The following GPRC5A variants were observed in gnomAD, a reference collection of about 807,000 sequenced individuals.
GPRC5A encodes the protein G protein-coupled receptor class C group 5 member A.
GPRC5A carries 19 observed loss-of-function variants against 22.5 expected under a neutral mutation model. That is an observed-to-expected ratio of 0.85 (90% CI 0.59 to 1.24). GPRC5A has a LOEUF of 1.24. Among genes scored for constraint, GPRC5A ranks in the 50% most tolerant of loss-of-function variants. GPRC5A has a pLI of 0.00. For synonymous variants in GPRC5A, 192 were observed against 184.5 expected (o/e 1.04, Z -0.33); for missense variants, 471 against 451.1 (o/e 1.04, Z -0.40).
intron 2 of GPRC5A, chr12:12,909,873 A>C (rs1863984361): frequency 7.1e-6 from 1 of 140,066 alleles, no homozygotes. Context: ...CTGAGGTGGG[A>C]GGATTGCTTG....
At chr12:12,907,437 C>T (rs994098409) in intron 1 of GPRC5A, among the ~76,000 whole-genome samples, 9 of 145,672 alleles carry the variant, frequency 6.2e-5, no homozygotes, top group Non-Finnish European at 1.2e-4. Flanking sequence ...AAAAATCTAC[C>T]ATTCAGATAA....
intron 1 of GPRC5A, among the ~76,000 whole-genome samples, chr12:12,902,250 G>C (rs1863895514): frequency 6.6e-6 from 1 of 151,940 alleles, no homozygotes; most frequent in Admixed American, 6.6e-5. Context: ...ATCCCTATCA[G>C]CTTAGGGATG....
intron 1 of GPRC5A, among the ~76,000 whole-genome samples, chr12:12,893,849 T>A (rs1467866070): frequency 6.6e-6 from 1 of 151,966 alleles, no homozygotes; most frequent in Non-Finnish European, 1.5e-5. Flanking sequence ...TGCCTCCCGG[T>A]TTCAAGGTTT....
chr12:12,907,460 A>T lies in GPRC5A; in HGVS notation c.-7-783A>T, dbSNP rs537555848. ...ACCATTCAGATAACTCCTCTTATCC[A>T]TGAGAGAATAGGATGCTTACAAATG... On this transcript the variant is annotated intron_variant, in intron 1 of 3. Transcript: ENST00000014914. Among the ~76,000 whole-genome samples the T allele has an allele frequency of 1.6e-4, 25 of 151,790 alleles. No individual in the cohort carries two copies. The South Asian group carries it at 1.9e-3, about 11-fold the overall frequency.
intron 1 of GPRC5A, among the ~76,000 whole-genome samples, chr12:12,893,821 T>C (rs1343810256): frequency 6.6e-6 from 1 of 152,240 alleles, no homozygotes; most frequent in African/African-American, 2.4e-5. Flanking sequence ...TGACGTGATC[T>C]CGGCTCACTG....
At chr12:12,899,147 C>T (rs890073436) in intron 1 of GPRC5A, among the ~76,000 whole-genome samples, 5 of 152,142 alleles carry the variant, frequency 3.3e-5, no homozygotes, top group Admixed American at 6.5e-5. Flanking sequence ...TCTTGCTTCA[C>T]CCTCCGAGTA....
chr12:12,900,923 A>AAAAAACC, intron 1 of GPRC5A, among the ~76,000 whole-genome samples: 1 of 109,992 alleles, frequency 9.1e-6, no homozygotes, highest in East Asian at 4.1e-4. Context: ...ACAAAAAAAA[A>AAAAAACC]ACAACCCAGA....
chr12:12,895,845 T>C (rs1017828138), intron 1 of GPRC5A, among the ~76,000 whole-genome samples: 1 of 96,162 alleles, frequency 1.0e-5, no homozygotes, highest in Non-Finnish European at 2.0e-5. Context: ...AAAAAAAAAT[T>C]AGCCGGGCGT....
intron 1 of GPRC5A, among the ~76,000 whole-genome samples, chr12:12,904,882 TG>T (rs1365137432): frequency 3.3e-5 from 4 of 119,444 alleles, no homozygotes; most frequent in South Asian, 3.0e-4. Context: ...GAAAATTTTG[TG>T]GTTTTTTTTT....
At chr12:12,901,895 G>T (rs947740272) in intron 1 of GPRC5A, among the ~76,000 whole-genome samples, 2 of 152,034 alleles carry the variant, frequency 1.3e-5, no homozygotes, top group Non-Finnish European at 2.9e-5. Flanking sequence ...TTTGACTTTG[G>T]TTACAAATAA....
At position 12,915,800 on chromosome 12, in the gene GPRC5A, G is replaced by A; in HGVS notation, c.*3261G>A. ...GAAAGTGCTGGGATTACAGGCATGA[G>A]CCACCGCGCCCGGCCCCGTTGTTTC... On this transcript the variant is annotated 3_prime_UTR_variant, in exon 4 of 4. Transcript: ENST00000014914. The A allele has an allele frequency of 2.0e-6, 1 of 503,152 alleles. No homozygotes were observed. Among genetic ancestry groups the A allele is most frequent in the South Asian group, 1.5e-5 (1 of 68,532 alleles). 31.2% of individuals were successfully genotyped at this position (503,152 alleles called of 1,614,324 possible). A position where few individuals can be genotyped will look rare whatever the true frequency, so the allele number is the denominator to read the frequency against.
chr12:12,908,918 C>T lies in GPRC5A; in HGVS notation c.669C>T (p.Ile223=), dbSNP rs1863975345. The change falls in exon 2 of 4, where the codon ATC becomes ATT. Residue 223 remains isoleucine (I), a synonymous_variant. Transcript: ENST00000014914. Reference sequence around the variant, plus strand: ...TCACGATGCTCCTCTCCATTGCCATCTGGGTGGCCTGGATCACCCTGCTCA... The same window carrying T: ...TCACGATGCTCCTCTCCATTGCCATTTGGGTGGCCTGGATCACCCTGCTCA... ...IYLTMLLSIA[I]WVAWITLLML... 1 of 1,614,040 alleles carries T rather than the reference C, an allele frequency of 6.2e-7. No individual in the cohort carries two copies.
rs1050726975 is a variant in GPRC5A, at chr12:12,915,781, G to A, written c.*3242G>A. 3 of 472,566 alleles carry A rather than the reference G, an allele frequency of 6.3e-6. No homozygotes were observed. The highest frequency in any genetic ancestry group is 1.3e-5 in the Non-Finnish European group (3 of 225,280). 29.3% of individuals were successfully genotyped at this position (472,566 alleles called of 1,614,324 possible). A position where few individuals can be genotyped will look rare whatever the true frequency, so the allele number is the denominator to read the frequency against. ...CTGGGATACCGTGGCCTCTGAAAGT[G>A]CTGGGATTACAGGCATGAGCCACCG... is the stretch of plus-strand genomic sequence containing the variant. On this transcript the variant is annotated 3_prime_UTR_variant, in exon 4 of 4. Transcript: ENST00000014914.
chr12:12,891,842 T>C (rs962153966), intron 1 of GPRC5A, 178 bp downstream of exon 1: 1 of 94,188 alleles, frequency 1.1e-5, no homozygotes, highest in African/African-American at 5.4e-5. Flanking sequence ...AACTCAGATT[T>C]TTTTTTTTTT....
intron 1 of GPRC5A, among the ~76,000 whole-genome samples, chr12:12,897,864 C>T (rs528027430): frequency 1.1e-3 from 171 of 152,158 alleles, no homozygotes; most frequent in African/African-American, 3.7e-3. Context: ...CCCGCCTCGG[C>T]CTCCCAAAGT....
intron 1 of GPRC5A, among the ~76,000 whole-genome samples, chr12:12,903,080 A>G (rs1328424379): frequency 6.6e-6 from 1 of 152,170 alleles, no homozygotes; most frequent in Non-Finnish European, 1.5e-5. Context: ...ACAAAAAAGA[A>G]AAAAGAAAAA....
intron 1 of GPRC5A, among the ~76,000 whole-genome samples, chr12:12,898,643 C>T (rs146685953): frequency 3.9e-5 from 6 of 152,242 alleles, no homozygotes; most frequent in East Asian, 3.9e-4. Context: ...ACGTGCAGGT[C>T]GCATATTTAT....
rs1864014909 is a variant in GPRC5A, at chr12:12,912,470, C to T, written c.1005C>T (p.Phe335=). The change falls in exon 4 of 4, where the codon TTC becomes TTT. Residue 335 remains phenylalanine, a synonymous_variant. Transcript: ENST00000014914. ...QLQNQPPQKE[F]SIPRAHAWPS... ...AGAACCAGCCTCCCCAAAAGGAATTCTCCATCCCACGGGCCCACGCTTGGC... is the reference window on the plus strand; with the variant it reads ...AGAACCAGCCTCCCCAAAAGGAATTTTCCATCCCACGGGCCCACGCTTGGC... The T allele has an allele frequency of 6.2e-7, 1 of 1,611,876 alleles. No individual in the cohort carries two copies. Among genetic ancestry groups the T allele is most frequent in the Non-Finnish European group, 8.5e-7 (1 of 1,178,018 alleles).
chr12:12,900,660 G>T (rs1863873111), intron 1 of GPRC5A, among the ~76,000 whole-genome samples: 1 of 151,996 alleles, frequency 6.6e-6, no homozygotes, highest in Non-Finnish European at 1.5e-5. Flanking sequence ...CACTTTGGGA[G>T]GCCGAGGCGG....
Sources: allele counts gnomAD v4.1 joint callset (sites outside exome capture counted in the v4.1 genomes callset), GRCh38; gene constraint gnomAD v4.1.1; transcripts MANE v1.5; gene names NCBI Gene and HGNC (gene_info 2026-07-23, HGNC 2026-07-21).